The following ARHGAP32 variants were observed in gnomAD, a reference collection of about 807,000 sequenced individuals.
The protein encoded by ARHGAP32 is rho GTPase-activating protein 32.
Under a neutral mutation model 186.5 loss-of-function variants are expected in ARHGAP32, and 51 were observed. That is an observed-to-expected ratio of 0.27 (90% CI 0.22 to 0.35). The LOEUF is 0.35. ARHGAP32 is among the 10% of genes least tolerant of loss of function. ARHGAP32 has a pLI of 1.00. For missense variants in ARHGAP32, 2,186 were observed against 2,623.5 expected (o/e 0.83, Z 3.64); for synonymous variants, 950 against 964.3 (o/e 0.99, Z 0.27).
chr11:129,077,663 G>A lies in ARHGAP32; in HGVS notation c.532-10795C>T, dbSNP rs564471321. Among the ~76,000 whole-genome samples, 7 of 152,022 alleles carry A rather than the reference G, an allele frequency of 4.6e-5. No homozygotes were observed. The East Asian group carries it at 7.7e-4, about 17-fold the overall frequency. ...GCAACCCTCACCCAAGCTCAGATCC[G>A]CCTAACGCTACCCCCACCTGATGGT... On this transcript the variant is annotated intron_variant, in intron 6 of 22. Coordinates refer to ENST00000682385, the MANE Select transcript of ARHGAP32 (RefSeq NM_001378024.1).
chr11:129,107,194 A>G (rs1247257029), intron 5 of ARHGAP32, among the ~76,000 whole-genome samples: 1 of 152,210 alleles, frequency 6.6e-6, no homozygotes, highest in African/African-American at 2.4e-5. Context: ...TCAACTAGCA[A>G]TCCTATATCC....
At chr11:129,171,687 G>GT (rs1591669409) in intron 1 of ARHGAP32, among the ~76,000 whole-genome samples, 1 of 152,140 alleles carries the variant, frequency 6.6e-6, no homozygotes, top group East Asian at 1.9e-4. Flanking sequence ...ATTCAAAATA[G>GT]TTTTTTCTAA....
At chr11:129,007,848 A>G (rs898391535) in intron 11 of ARHGAP32, among the ~76,000 whole-genome samples, 1 of 152,192 alleles carries the variant, frequency 6.6e-6, no homozygotes, top group African/African-American at 2.4e-5. Context: ...TCAAGGCCCC[A>G]GAGCACTTTA....
upstream of ARHGAP32, among the ~76,000 whole-genome samples, chr11:129,192,880 G>T (rs747637165): frequency 6.6e-6 from 1 of 152,124 alleles, no homozygotes; most frequent in Admixed American, 6.5e-5. Context: ...CAAAGATGCT[G>T]ACAATCACAT....
At position 128,969,488 on chromosome 11, in the gene ARHGAP32, G is replaced by A. The variant is rs777610347; in HGVS notation, c.5725C>T (p.Pro1909Ser). 1 of 1,614,154 alleles carries A rather than the reference G, an allele frequency of 6.2e-7. No homozygotes were observed. Among genetic ancestry groups the A allele is most frequent in the East Asian group, 2.2e-5 (1 of 44,872 alleles). Residue 1909 changes from proline to serine, a missense_variant, in exon 23 of 23, where the codon CCC becomes TCC. By Grantham distance (74) the Pro-to-Ser change is moderately conservative. Coordinates refer to ENST00000682385, the MANE Select transcript of ARHGAP32 (RefSeq NM_001378024.1). This position sits in a 1 kb window ranked among gnomAD's most constrained non-coding sequence, Gnocchi z 4.8. Reference sequence around the variant, plus strand: ...TGGCCAGCTCCCTGGGGATAAGGGGGCCCATTCTTTGACTCACAGAACTGC... The same window carrying A: ...TGGCCAGCTCCCTGGGGATAAGGGGACCCATTCTTTGACTCACAGAACTGC... ...HRQFCESKNG[P>S]PYPQGAGQLD...
chr11:128,997,803 A>G (rs1565365962), intron 12 of ARHGAP32, among the ~76,000 whole-genome samples: 1 of 152,200 alleles, frequency 6.6e-6, no homozygotes, highest in Non-Finnish European at 1.5e-5. Flanking sequence ...GTACTCTGGG[A>G]GGACTGCCTG....
chr11:129,197,242 T>C (rs914670526), upstream of ARHGAP32, among the ~76,000 whole-genome samples: 1 of 152,178 alleles, frequency 6.6e-6, no homozygotes, highest in Admixed American at 6.5e-5. Flanking sequence ...GCTGAAATGC[T>C]GACCTACATC....
intron 6 of ARHGAP32, among the ~76,000 whole-genome samples, chr11:129,085,199 T>G (rs1475134557): frequency 3.9e-5 from 6 of 152,052 alleles, no homozygotes; most frequent in African/African-American, 1.4e-4. Context: ...AATTTTTAAT[T>G]TTTTTATAGA....
chr11:128,995,963 T>C (rs181850169), intron 12 of ARHGAP32, among the ~76,000 whole-genome samples: 2 of 152,366 alleles, frequency 1.3e-5, no homozygotes, highest in Admixed American at 1.3e-4. Context: ...ATGGATTCAT[T>C]AGATGAAAGG....
intron 2 of ARHGAP32, among the ~76,000 whole-genome samples, chr11:129,143,157 T>C (rs1943097199): frequency 6.6e-6 from 1 of 150,692 alleles, no homozygotes; most frequent in African/African-American, 2.4e-5. Context: ...GGACTGCCAG[T>C]TTCCTGCAGT....
At chr11:129,244,039 A>G (rs1318418251) in intron 1 of ARHGAP32, among the ~76,000 whole-genome samples, 1 of 152,234 alleles carries the variant, frequency 6.6e-6, no homozygotes, top group East Asian at 1.9e-4. Context: ...CACAACAGAA[A>G]ATAAGAGACC....
upstream of ARHGAP32, among the ~76,000 whole-genome samples, chr11:129,279,506 CCGCCCCCGCAG>C (rs1306864085): frequency 6.9e-6 from 1 of 144,266 alleles, no homozygotes; most frequent in Non-Finnish European, 1.5e-5. Flanking sequence ...CGCCTTCGGG[CCGCCCCCGCAG>C]CGCCCCCGCC....
chr11:129,054,065 T>C (rs530283273), intron 10 of ARHGAP32, among the ~76,000 whole-genome samples: 59 of 147,234 alleles, frequency 4.0e-4, no homozygotes, highest in African/African-American at 1.4e-3. Context: ...ACTCTTGAGG[T>C]AAAAAAAAAA....
rs141786948 is a variant in ARHGAP32, at chr11:129,116,099, T to A, written c.444+7347A>T. Among the ~76,000 whole-genome samples, 587 of 152,096 alleles carry A rather than the reference T, an allele frequency of 3.9e-3. 1 individual carries two copies. Among genetic ancestry groups the A allele is most frequent in the Non-Finnish European group, 6.2e-3 (422 of 67,918 alleles). On this transcript the variant is annotated intron_variant, in intron 5 of 22. Coordinates refer to ENST00000682385, the MANE Select transcript of ARHGAP32 (RefSeq NM_001378024.1). ...TAATTTCTGGTCCAGAGACTTGATG[T>A]TTCTGCTGGGGGAAAGGGAGGCTAC...
intron 1 of ARHGAP32, among the ~76,000 whole-genome samples, chr11:129,260,141 T>A (rs1462085706): frequency 2.6e-5 from 4 of 152,212 alleles, no homozygotes; most frequent in African/African-American, 4.8e-5. Context: ...GAGACCGGCA[T>A]GAGCATTACA....
chr11:129,143,644 C>T (rs1943110328), intron 2 of ARHGAP32, among the ~76,000 whole-genome samples: 4 of 115,936 alleles, frequency 3.5e-5, no homozygotes, highest in African/African-American at 2.9e-5. Flanking sequence ...AGGAGTGATG[C>T]TGCCAACATG....
intron 1 of ARHGAP32, among the ~76,000 whole-genome samples, chr11:129,275,688 T>A (rs936982812): frequency 6.6e-6 from 1 of 152,220 alleles, no homozygotes; most frequent in African/African-American, 2.4e-5. Context: ...ACTGCCAAAG[T>A]AGCCACAGAC....
At chr11:129,161,813 T>A (rs998766827) in intron 2 of ARHGAP32, among the ~76,000 whole-genome samples, 1 of 152,172 alleles carries the variant, frequency 6.6e-6, no homozygotes, top group Non-Finnish European at 1.5e-5. Flanking sequence ...CCCAAAGTAT[T>A]ATAAATCATT....
Position 129,087,861 on chromosome 11 carries a change from T to C in ARHGAP32, c.531+5760A>G, listed in dbSNP as rs981040224. 8.5e-5 allele frequency among the ~76,000 whole-genome samples: 13 copies of C among 152,182 alleles called. 1 individual carries two copies. The highest frequency in any genetic ancestry group is 7.9e-4 in the Admixed American group (12 of 15,274). On this transcript the variant is annotated intron_variant, in intron 6 of 22. Coordinates refer to ENST00000682385, the MANE Select transcript of ARHGAP32 (RefSeq NM_001378024.1). ...ACATGGAGCTTATGGGAACTCTATA[T>C]TTCCTGTTCAATTTTGCTGTGAATG... is the stretch of plus-strand genomic sequence containing the variant.
Sources: allele counts gnomAD v4.1 joint callset (sites outside exome capture counted in the v4.1 genomes callset), GRCh38; gene constraint gnomAD v4.1.1; non-coding constraint Gnocchi (gnomAD v3.1); transcripts MANE v1.5; gene names NCBI Gene and HGNC (gene_info 2026-07-23, HGNC 2026-07-21).